GSTO2: variants seen among roughly 807,000 people sequenced by gnomAD.
GSTO2 encodes the protein glutathione S-transferase omega 2.
GSTO2 carries 23 observed loss-of-function variants against 28.4 expected under a neutral mutation model. The observed-to-expected ratio is 0.81, with a 90% confidence interval of 0.58 to 1.15. The LOEUF (loss-of-function observed/expected upper bound fraction) is 1.15. GSTO2 is among the 50% of genes most tolerant of loss of function. The pLI, the probability that GSTO2 is intolerant of heterozygous loss-of-function variation, is 0.00. For synonymous variants in GSTO2, 109 were observed against 111.0 expected, an observed-to-expected ratio of 0.98 and a Z score of 0.11; for missense variants, 298 against 297.8, an observed-to-expected ratio of 1.00 and a Z score of 0.00.
intron 5 of GSTO2, among the ~76,000 whole-genome samples, chr10:104,292,618 A>G (rs940109102): frequency 5.9e-5 from 9 of 152,002 alleles, no homozygotes; most frequent in Admixed American, 2.0e-4. Context: ...ACAGACCACA[A>G]TGCCCAGTTA....
rs2011413802 is a variant in GSTO2, at chr10:104,271,656, G to A, written c.-232+2387G>A. Reference sequence around the variant, plus strand: ...TTAGAGGAGAACAGCTTCCATCCCTGTCTTCTAACTCTACCAAATTAACTT... The same window carrying A: ...TTAGAGGAGAACAGCTTCCATCCCTATCTTCTAACTCTACCAAATTAACTT... On this transcript the variant is annotated intron_variant, in intron 1 of 6. Transcript: ENST00000338595. Among the ~76,000 whole-genome samples the A allele has an allele frequency of 3.9e-5, 6 of 152,198 alleles. No homozygotes were observed. In the South Asian group the frequency reaches 1.2e-3, roughly 31 times the overall value.
At chr10:104,291,496 A>T (rs578071719) in intron 5 of GSTO2, 2 of 152,344 alleles carry the variant, frequency 1.3e-5, no homozygotes, top group African/African-American at 4.8e-5. Context: ...AGATTTCTTC[A>T]TCCTCCGGTT....
intron 5 of GSTO2, among the ~76,000 whole-genome samples, chr10:104,283,493 G>A (rs2012209301): frequency 6.6e-6 from 1 of 152,186 alleles, no homozygotes; most frequent in African/African-American, 2.4e-5. Context: ...GGTCATGGCA[G>A]TGCGGGTCTG....
intron 5 of GSTO2, among the ~76,000 whole-genome samples, chr10:104,280,243 C>A (rs2011953864): frequency 6.9e-6 from 1 of 144,718 alleles, no homozygotes; most frequent in Non-Finnish European, 1.5e-5. Flanking sequence ...ATGACATTAT[C>A]AGGAACTGAA....
At chr10:104,272,690 A>T (rs1488175931) in intron 1 of GSTO2, among the ~76,000 whole-genome samples, 5 of 133,370 alleles carry the variant, frequency 3.7e-5, no homozygotes, top group African/African-American at 5.7e-5. Flanking sequence ...CTCGGCTCAC[A>T]GCAAGCTCCG....
chr10:104,281,072 G>A (rs556771383), intron 5 of GSTO2, among the ~76,000 whole-genome samples: 29 of 152,282 alleles, frequency 1.9e-4, no homozygotes, highest in Non-Finnish European at 3.4e-4. Context: ...CTGGGCCTTG[G>A]TTTTCCCATG....
At chr10:104,296,595 AC>A (rs2013036308) in intron 5 of GSTO2, 1 of 141,674 alleles carries the variant, frequency 7.1e-6, no homozygotes, top group South Asian at 2.2e-4. Context: ...AGCCTGAGTG[AC>A]AGAGCAAGAC....
Position 104,297,491 on chromosome 10 carries a change from G to A in GSTO2, c.469-87G>A, listed in dbSNP as rs796195234. 4 of 806,692 alleles carry A rather than the reference G, an allele frequency of 5.0e-6. No individual in the cohort carries two copies. In the East Asian group the frequency reaches 1.1e-4, roughly 22 times the overall value. The allele number at this position is 806,692 out of a possible 1,614,324, so 50.0% of individuals were successfully genotyped here. A position where few individuals can be genotyped will look rare whatever the true frequency, so the allele number is the denominator to read the frequency against. ...AGAGGCCTCAGTTCTCCCTCTCTGG[G>A]AATTAATTTGAGATTTACATTTAGT... On this transcript the variant is annotated intron_variant, in intron 5 of 6. Transcript: ENST00000338595.
In GSTO2 at chr10:104,297,631, T is replaced by G. The variant is rs374346051; in HGVS notation, c.522T>G (p.Ile174Met). 5.3e-5 allele frequency: 86 copies of G among 1,613,874 alleles called. No individual in the cohort carries two copies. The highest frequency in any genetic ancestry group is 7.3e-5 in the Non-Finnish European group (86 of 1,179,864). ...TFFGGTCISM[I>M]DYLLWPWFER... ...TTGGTGGAACCTGTATATCCATGAT[T>G]GATTACCTCCTCTGGCCCTGGTTTG... Residue 174 changes from isoleucine to methionine, a missense_variant, in exon 6 of 7, where the codon ATT becomes ATG. Coordinates refer to ENST00000338595, the MANE Select transcript of GSTO2 (RefSeq NM_183239.2).
At position 104,303,422 on chromosome 10, in the gene GSTO2, G is replaced by A. The variant is rs1467851860; in HGVS notation, c.*4138G>A. The A allele has an allele frequency of 6.6e-6, 1 of 152,216 alleles. No homozygotes were observed. The highest frequency in any genetic ancestry group is 1.5e-5 in the Non-Finnish European group (1 of 68,034). The allele number at this position is 152,216 out of a possible 1,614,324, so 9.4% of individuals were successfully genotyped here. A position where few individuals can be genotyped will look rare whatever the true frequency, so the allele number is the denominator to read the frequency against. On this transcript the variant is annotated 3_prime_UTR_variant, in exon 7 of 7. Coordinates refer to ENST00000338595, the MANE Select transcript of GSTO2 (RefSeq NM_183239.2). ...GCTCCTGGCCTAGGGACCTGTGGAA[G>A]TTTGAACTTGAGAGTGATGATTTTA...
chr10:104,295,892 C>T (rs1052433434), intron 5 of GSTO2: 3 of 152,248 alleles, frequency 2.0e-5, no homozygotes, highest in Non-Finnish European at 4.4e-5. Flanking sequence ...TGTCCCTCAC[C>T]AGAACCCTGA....
chr10:104,293,938 G>A (rs1396355646), intron 5 of GSTO2, among the ~76,000 whole-genome samples: 1 of 152,136 alleles, frequency 6.6e-6, no homozygotes, highest in African/African-American at 2.4e-5. Flanking sequence ...CGGAGAGCCC[G>A]TTAACCTCCC....
chr10:104,288,309 G>A (rs1197443531), intron 5 of GSTO2: 2 of 152,196 alleles, frequency 1.3e-5, no homozygotes, highest in Non-Finnish European at 2.9e-5. Context: ...GAATGGTGCT[G>A]CAGGGAACAT....
chr10:104,278,647 ATTG>A (rs2135100697), intron 4 of GSTO2, among the ~76,000 whole-genome samples: 1 of 152,116 alleles, frequency 6.6e-6, no homozygotes, highest in East Asian at 1.9e-4. Context: ...ACACCCCCTA[ATTG>A]TTGTATTTTT....
chr10:104,285,102 AC>A (rs1204184791), intron 5 of GSTO2, among the ~76,000 whole-genome samples: 1 of 152,108 alleles, frequency 6.6e-6, no homozygotes, highest in Non-Finnish European at 1.5e-5. Context: ...TTGCATTTCC[AC>A]GCAGAGTTTC....
intron 5 of GSTO2, among the ~76,000 whole-genome samples, chr10:104,282,074 G>C (rs1000641132): frequency 6.6e-6 from 1 of 151,812 alleles, no homozygotes; most frequent in African/African-American, 2.4e-5. Context: ...TTGATGGTGA[G>C]TAATTGAAGC....
chr10:104,272,247 C>T (rs74154776), intron 1 of GSTO2, among the ~76,000 whole-genome samples: 11,251 of 152,196 alleles, frequency 0.074, 1,386 homozygotes, highest in African/African-American at 0.26. Context: ...TATTAAAATA[C>T]ATATATGCAG....
intron 5 of GSTO2, chr10:104,288,549 G>T (rs2012584512): frequency 6.6e-6 from 1 of 152,146 alleles, no homozygotes; most frequent in South Asian, 2.1e-4. Flanking sequence ...CATTCAAAAA[G>T]ATATTTGTTT....
chr10:104,283,634 A>G (rs1420484796), intron 5 of GSTO2, among the ~76,000 whole-genome samples: 1 of 152,242 alleles, frequency 6.6e-6, no homozygotes, highest in African/African-American at 2.4e-5. Flanking sequence ...TCAAAAACAA[A>G]TAAACAAAGA....
Sources: gnomAD v4.1 joint callset for allele counts (sites outside exome capture counted in the v4.1 genomes callset) on GRCh38, gnomAD v4.1.1 for gene constraint, MANE v1.5 for transcripts, NCBI Gene and HGNC (gene_info 2026-07-23, HGNC 2026-07-21) for gene names.